The following MYRIP variants were observed in gnomAD, a reference collection of about 807,000 sequenced individuals.
MYRIP encodes myosin VIIA and Rab interacting protein, also known as rab effector MyRIP.
Under a neutral mutation model 98.0 loss-of-function variants are expected in MYRIP, and 49 were observed. That is an observed-to-expected ratio of 0.50 (90% CI 0.40 to 0.63). The LOEUF (loss-of-function observed/expected upper bound fraction) is 0.63, where lower values mean the gene tolerates loss of function less well. MYRIP is among the 30% of genes least tolerant of loss of function. MYRIP has a pLI of 0.00. For synonymous variants in MYRIP, 404 were observed against 409.5 expected (o/e 0.99, Z 0.16); for missense variants, 1,004 against 1,058.2 (o/e 0.95, Z 0.71).
Position 40,251,904 on chromosome 3 carries a change from G to T in MYRIP, c.2452G>T (p.Val818Leu), listed in dbSNP as rs780015293. The stretch of plus-strand genomic sequence containing the variant: ...AGCTGAAAAAATTGAGACATCTTCA[G>T]TGACTACCATTAAAACATTTAACCA... ...VKAEKIETSS[V>L]TTIKTFNHNF... The change falls in exon 16 of 17, where the codon GTG becomes TTG. Residue 818 changes from valine (V) to leucine (L), a missense_variant. Val to Leu is a conservative substitution (Grantham distance 32). Transcript: ENST00000302541. 6.2e-7 allele frequency: 1 copy of T among 1,612,968 alleles called. No individual in the cohort carries two copies. Among genetic ancestry groups the T allele is most frequent in the South Asian group, 1.1e-5 (1 of 91,026 alleles).
At chr3:40,071,621 C>T (rs927644142) in intron 3 of MYRIP, among the ~76,000 whole-genome samples, 1 of 152,004 alleles carries the variant, frequency 6.6e-6, no homozygotes, top group African/African-American at 2.4e-5. Context: ...GGAGTGAGGG[C>T]CTGGCTTCTG....
intron 1 of MYRIP, among the ~76,000 whole-genome samples, chr3:39,853,471 C>G: frequency 6.6e-6 from 1 of 152,032 alleles, no homozygotes; most frequent in Non-Finnish European, 1.5e-5. Context: ...AAGGTGGTAT[C>G]TCATTGTGGT....
intron 1 of MYRIP, among the ~76,000 whole-genome samples, chr3:39,880,045 T>G (rs549266362): frequency 1.3e-5 from 2 of 151,942 alleles, no homozygotes; most frequent in South Asian, 4.1e-4. Flanking sequence ...CTTTTTATTA[T>G]TATTATTTTT....
intron 11 of MYRIP, among the ~76,000 whole-genome samples, chr3:40,223,637 T>C (rs1952403671): frequency 1.3e-5 from 2 of 152,082 alleles, no homozygotes; most frequent in South Asian, 4.1e-4. Context: ...TAAGAGACAA[T>C]ATTTAAAAGG....
At chr3:39,834,841 A>G (rs1007478523) in intron 1 of MYRIP, among the ~76,000 whole-genome samples, 1 of 152,124 alleles carries the variant, frequency 6.6e-6, no homozygotes, top group African/African-American at 2.4e-5. Flanking sequence ...TTCTACCCAA[A>G]TATTTGAAAG....
intron 12 of MYRIP, among the ~76,000 whole-genome samples, chr3:40,239,318 T>C (rs1054259287): frequency 2.7e-5 from 4 of 150,912 alleles, no homozygotes; most frequent in African/African-American, 7.4e-5. Flanking sequence ...TGTTGGACAT[T>C]TGGGTTGGTT....
chr3:39,957,784 T>C (rs190219562), intron 2 of MYRIP, among the ~76,000 whole-genome samples: 4 of 152,224 alleles, frequency 2.6e-5, no homozygotes, highest in South Asian at 2.1e-4. Context: ...AAAACCCCAT[T>C]GTCTCAGCCC....
At chr3:39,975,806 C>T (rs1370012976) in intron 2 of MYRIP, among the ~76,000 whole-genome samples, 5 of 152,098 alleles carry the variant, frequency 3.3e-5, no homozygotes, top group African/African-American at 4.8e-5. Flanking sequence ...GGAAAGGATT[C>T]CCTATTTAAT....
At chr3:40,049,741 G>T (rs988766606) in intron 3 of MYRIP, among the ~76,000 whole-genome samples, 2 of 152,112 alleles carry the variant, frequency 1.3e-5, no homozygotes, top group Non-Finnish European at 2.9e-5. Context: ...TAAGTTTCTT[G>T]AGCCAGACAA....
chr3:39,980,748 A>G (rs766040087), intron 2 of MYRIP, among the ~76,000 whole-genome samples: 1 of 152,200 alleles, frequency 6.6e-6, no homozygotes, highest in Admixed American at 6.5e-5. Flanking sequence ...TTTTGGACAT[A>G]TTTCACATTT....
intron 3 of MYRIP, among the ~76,000 whole-genome samples, chr3:40,080,988 T>A (rs1448186048): frequency 6.6e-6 from 1 of 152,008 alleles, no homozygotes; most frequent in South Asian, 2.1e-4. Flanking sequence ...GTTTGATTTT[T>A]TCTTCGACCT....
intron 1 of MYRIP, among the ~76,000 whole-genome samples, chr3:39,857,323 T>C (rs983457463): frequency 6.6e-6 from 1 of 151,386 alleles, no homozygotes; most frequent in African/African-American, 2.4e-5. Flanking sequence ...TTAAAAATAA[T>C]CTCAAGGAAG....
chr3:39,834,658 T>C (rs1941568173), intron 1 of MYRIP, among the ~76,000 whole-genome samples: 1 of 152,182 alleles, frequency 6.6e-6, no homozygotes, highest in African/African-American at 2.4e-5. Context: ...TATGCTGTAA[T>C]ATAAGTAATA....
chr3:40,009,297 T>A (rs1212609974), intron 2 of MYRIP, among the ~76,000 whole-genome samples: 1 of 149,270 alleles, frequency 6.7e-6, no homozygotes, highest in Non-Finnish European at 1.5e-5. Flanking sequence ...AGTGCAGTGG[T>A]GTGATCTCGG....
chr3:39,991,594 C>T (rs192701406), intron 2 of MYRIP, among the ~76,000 whole-genome samples: 49 of 152,226 alleles, frequency 3.2e-4, no homozygotes, highest in African/African-American at 8.9e-4. Flanking sequence ...TTTATCTTAA[C>T]GCAACAGGCA....
chr3:39,940,024 G>A (rs1944747493), intron 2 of MYRIP, among the ~76,000 whole-genome samples: 1 of 151,958 alleles, frequency 6.6e-6, no homozygotes, highest in Non-Finnish European at 1.5e-5. Context: ...AGATGAATGA[G>A]GTGCTAAAGA....
chr3:40,089,754 A>G (rs1948706233), intron 3 of MYRIP, among the ~76,000 whole-genome samples: 1 of 152,222 alleles, frequency 6.6e-6, no homozygotes. Flanking sequence ...CTGGCTTATT[A>G]TATTTTAATG....
chr3:39,984,299 A>G (rs966800090), intron 2 of MYRIP, among the ~76,000 whole-genome samples: 1 of 152,050 alleles, frequency 6.6e-6, no homozygotes, highest in Non-Finnish European at 1.5e-5. Context: ...ATATGTATAC[A>G]TGTGCCATGC....
chr3:39,886,351 A>G (rs1458345576), intron 1 of MYRIP, among the ~76,000 whole-genome samples: 20 of 151,488 alleles, frequency 1.3e-4, no homozygotes, highest in Middle Eastern at 3.2e-3. Flanking sequence ...TTAACTTTAA[A>G]TGTAAATGGA....
Sources: allele counts gnomAD v4.1 joint callset (sites outside exome capture counted in the v4.1 genomes callset), GRCh38; gene constraint gnomAD v4.1.1; transcripts MANE v1.5; gene names NCBI Gene and HGNC (gene_info 2026-07-23, HGNC 2026-07-21).